The following TMEM184B variants were observed in gnomAD, a reference collection of about 807,000 sequenced individuals.
TMEM184B encodes the protein transmembrane protein 184B.
TMEM184B carries 17 observed loss-of-function variants against 41.8 expected under a neutral mutation model. That is an observed-to-expected ratio of 0.41 (90% CI 0.28 to 0.61). The LOEUF is 0.61. Ranked by LOEUF, TMEM184B falls within the 20% of genes least tolerant of loss-of-function variation. The probability of loss-of-function intolerance (pLI) is 0.34; values close to 1 mark genes in which losing one functional copy is unlikely to be tolerated. For synonymous variants in TMEM184B, 240 were observed against 229.5 expected (o/e 1.05, Z -0.41); for missense variants, 393 against 557.8 (o/e 0.70, Z 2.98).
intron 1 of TMEM184B, among the ~76,000 whole-genome samples, chr22:38,259,531 C>G (rs1226361395): frequency 6.6e-6 from 1 of 152,162 alleles, no homozygotes; most frequent in East Asian, 1.9e-4. Flanking sequence ...AAAGTGGAAG[C>G]TGCTACGCTG....
chr22:38,258,081 C>T (rs936239377), intron 1 of TMEM184B, among the ~76,000 whole-genome samples: 3 of 152,144 alleles, frequency 2.0e-5, no homozygotes, highest in Non-Finnish European at 2.9e-5. Context: ...CACACGCCAC[C>T]CAGCAGGTGG....
At chr22:38,224,658 A>T in intron 8 of TMEM184B, 127 bp downstream of exon 8, 2 of 939,226 alleles carry the variant, frequency 2.1e-6, no homozygotes, top group Non-Finnish European at 3.0e-6. Flanking sequence ...CCATTCCTGC[A>T]TATAGAGTGG....
intron 3 of TMEM184B, among the ~76,000 whole-genome samples, chr22:38,243,180 A>C (rs1042488399): frequency 6.6e-6 from 1 of 152,060 alleles, no homozygotes; most frequent in African/African-American, 2.4e-5. Context: ...GATGTGCTTC[A>C]CAGGGTGGCC....
intron 3 of TMEM184B, among the ~76,000 whole-genome samples, chr22:38,244,301 G>C (rs1225102482): frequency 6.6e-6 from 1 of 152,070 alleles, no homozygotes; most frequent in Non-Finnish European, 1.5e-5. Context: ...CACCCTCCCA[G>C]GTCAAGGAAA....
intron 1 of TMEM184B, among the ~76,000 whole-genome samples, chr22:38,262,134 G>A (rs1262997819): frequency 2.0e-5 from 3 of 152,344 alleles, no homozygotes; most frequent in Admixed American, 6.5e-5. Context: ...CAGTGCTGCG[G>A]GAAGGCAGCC....
At position 38,225,021 on chromosome 22, in the gene TMEM184B, T is replaced by C. The variant is rs551519516; in HGVS notation, c.788-42A>G. On this transcript the variant is annotated intron_variant, in intron 7 of 8. Transcript: ENST00000361906. This position sits in a 1 kb window ranked among gnomAD's most constrained non-coding sequence, Gnocchi z 4.4. ...GGGTGTCTGGACCCAGAATGATTCC[T>C]TTCCTGCTCCCCCTTCTTCCACAAT... is the stretch of plus-strand genomic sequence containing the variant. The C allele has an allele frequency of 1.5e-5, 22 of 1,495,458 alleles. No individual in the cohort carries two copies. In the African/African-American group the frequency reaches 2.8e-4, roughly 19 times the overall value. The allele number at this position is 1,495,458 out of a possible 1,614,324, so 92.6% of individuals were successfully genotyped here.
chr22:38,263,790 T>A (rs1388793138), intron 1 of TMEM184B, among the ~76,000 whole-genome samples: 2 of 152,132 alleles, frequency 1.3e-5, no homozygotes, highest in East Asian at 3.8e-4. Flanking sequence ...TTGGGGGAAA[T>A]ATAGAAAATA....
intron 1 of TMEM184B, among the ~76,000 whole-genome samples, chr22:38,271,821 G>A (rs1233721585): frequency 6.6e-6 from 1 of 152,194 alleles, no homozygotes; most frequent in African/African-American, 2.4e-5. Flanking sequence ...AGGTTCAGAG[G>A]TGCAGAGCCT....
intron 1 of TMEM184B, among the ~76,000 whole-genome samples, chr22:38,254,503 G>A (rs1425268274): frequency 6.6e-6 from 1 of 152,088 alleles, no homozygotes; most frequent in East Asian, 1.9e-4. Flanking sequence ...GGGAGGCTGA[G>A]GCAGAACAAT....
At chr22:38,256,635 G>A (rs903716745) in intron 1 of TMEM184B, among the ~76,000 whole-genome samples, 1 of 152,100 alleles carries the variant, frequency 6.6e-6, no homozygotes, top group Non-Finnish European at 1.5e-5. Flanking sequence ...CTGTTGTTCT[G>A]CTGTCTAAAG....
chr22:38,241,568 C>T (rs958771040), intron 3 of TMEM184B, among the ~76,000 whole-genome samples: 1 of 150,940 alleles, frequency 6.6e-6, no homozygotes, highest in African/African-American at 2.4e-5. Context: ...TGGTGGCACA[C>T]GCCTGTGTCT....
At chr22:38,227,788 C>T (rs1412751769) in intron 5 of TMEM184B, among the ~76,000 whole-genome samples, 1 of 152,182 alleles carries the variant, frequency 6.6e-6, no homozygotes, top group African/African-American at 2.4e-5. Context: ...TCGGGAGTCT[C>T]CCGCCTCTGT....
intron 1 of TMEM184B, among the ~76,000 whole-genome samples, chr22:38,249,557 G>T (rs1174192951): frequency 2.6e-5 from 4 of 152,170 alleles, no homozygotes; most frequent in Admixed American, 1.3e-4. Context: ...CCTCATAAAA[G>T]GAACCCCAGA....
At position 38,226,543 on chromosome 22, in the gene TMEM184B, C is replaced by T; in HGVS notation, c.617+236G>A. On this transcript the variant is annotated intron_variant, in intron 6 of 8. Transcript: ENST00000361906. The surrounding 1 kb of genome is among the most constrained non-coding windows in gnomAD (Gnocchi z 4.6). ...CTTTGTGGCCCATCCCTTCATGGTA[C>T]CACTCTGCAGCCTGGACATGAACGT... 6.3e-6 allele frequency: 3 copies of T among 478,694 alleles called. No individual in the cohort carries two copies. In the South Asian group the frequency reaches 6.6e-5, roughly 10 times the overall value. The allele number at this position is 478,694 out of a possible 1,614,324, so 29.7% of individuals were successfully genotyped here.
chr22:38,220,060 T>C lies in TMEM184B; in HGVS notation c.*1409A>G, dbSNP rs1399412888. 34 of 985,352 alleles carry C rather than the reference T, an allele frequency of 3.5e-5. No homozygotes were observed. Among genetic ancestry groups the C allele is most frequent in the Non-Finnish European group, 3.6e-5 (30 of 830,000 alleles). 61.0% of individuals were successfully genotyped at this position (985,352 alleles called of 1,614,324 possible). A position where few individuals can be genotyped will look rare whatever the true frequency, so the allele number is the denominator to read the frequency against. ...CCCTTACCCTACCAGCTTCTCCAGG[T>C]GACTGCAGCCCAAACCCAGGGATAA... On this transcript the variant is annotated 3_prime_UTR_variant, in exon 9 of 9. Coordinates refer to ENST00000361906, the MANE Select transcript of TMEM184B (RefSeq NM_012264.5).
intron 1 of TMEM184B, among the ~76,000 whole-genome samples, chr22:38,261,616 TCA>T (rs1449784709): frequency 6.6e-6 from 1 of 152,220 alleles, no homozygotes; most frequent in Non-Finnish European, 1.5e-5. Flanking sequence ...TTTGATGATC[TCA>T]GTTTTCTCTC....
At chr22:38,233,796 G>A (rs1456422737) in intron 3 of TMEM184B, among the ~76,000 whole-genome samples, 2 of 152,048 alleles carry the variant, frequency 1.3e-5, no homozygotes, top group East Asian at 3.8e-4. Context: ...TTGAGACAGA[G>A]TCTCGCTCTA....
intron 5 of TMEM184B, among the ~76,000 whole-genome samples, chr22:38,228,434 C>A (rs968107056): frequency 6.7e-6 from 1 of 149,920 alleles, no homozygotes; most frequent in African/African-American, 2.5e-5. Context: ...CAGCAGAGCC[C>A]AGGCCAGCAG....
intron 3 of TMEM184B, among the ~76,000 whole-genome samples, chr22:38,234,578 A>T (rs2145619344): frequency 6.6e-6 from 1 of 152,306 alleles, no homozygotes; most frequent in East Asian, 1.9e-4. Context: ...GGTAAGTGGA[A>T]TACAGATAAA....
Sources: allele counts gnomAD v4.1 joint callset (sites outside exome capture counted in the v4.1 genomes callset), GRCh38; gene constraint gnomAD v4.1.1; non-coding constraint Gnocchi (gnomAD v3.1); transcripts MANE v1.5; gene names NCBI Gene and HGNC (gene_info 2026-07-23, HGNC 2026-07-21).